The following ZBTB8B variants were observed in gnomAD, a reference collection of about 807,000 sequenced individuals.
The protein encoded by ZBTB8B is zinc finger and BTB domain-containing protein 8B.
ZBTB8B carries 17 observed loss-of-function variants against 30.3 expected under a neutral mutation model. That is an observed-to-expected ratio of 0.56 (90% CI 0.38 to 0.84). The LOEUF (loss-of-function observed/expected upper bound fraction) is 0.84, where lower values mean the gene tolerates loss of function less well. Ranked by LOEUF, ZBTB8B falls within the 40% of genes least tolerant of loss-of-function variation. ZBTB8B has a pLI of 0.00. For missense variants in ZBTB8B, 515 were observed against 644.9 expected (o/e 0.80, Z 2.18); for synonymous variants, 248 against 255.6 (o/e 0.97, Z 0.28).
chr1:32,477,616 C>A (rs914011700), intron 2 of ZBTB8B, among the ~76,000 whole-genome samples: 7 of 151,980 alleles, frequency 4.6e-5, no homozygotes, highest in Non-Finnish European at 8.8e-5. Context: ...GGTCGTCATT[C>A]CTGGCTGGGT....
chr1:32,482,145 C>T (rs956111518), intron 3 of ZBTB8B, among the ~76,000 whole-genome samples: 4 of 151,914 alleles, frequency 2.6e-5, no homozygotes, highest in South Asian at 2.1e-4. Flanking sequence ...GCCCAGCTAA[C>T]GTGTTTTTTT....
intron 3 of ZBTB8B, among the ~76,000 whole-genome samples, chr1:32,483,761 C>A (rs891121092): frequency 7.3e-5 from 11 of 151,016 alleles, no homozygotes; most frequent in African/African-American, 2.4e-4. Context: ...AAAAAAAAAA[C>A]CATGTCAAAA....
Position 32,465,934 on chromosome 1 carries a change from T to C in ZBTB8B, c.-42+829T>C, listed in dbSNP as rs561808303. 2.6e-5 allele frequency among the ~76,000 whole-genome samples: 4 copies of C among 152,278 alleles called. No homozygotes were observed. The East Asian group carries it at 5.8e-4, about 22-fold the overall frequency. ...GGTGGCGCGCACCTGTAGTCCCTGC[T>C]ACTCGGGAAGCTAAGGTTGGGAGGA... is the stretch of plus-strand genomic sequence containing the variant. On this transcript the variant is annotated intron_variant, in intron 1 of 3. Coordinates refer to ENST00000609129, the MANE Select transcript of ZBTB8B (RefSeq NM_001145720.2). The surrounding 1 kb of genome is among the most constrained non-coding windows in gnomAD (Gnocchi z 4.1).
rs894294292 is a variant in ZBTB8B, at chr1:32,487,701, G to A, written c.*2283G>A. 2 of 151,632 alleles carry A rather than the reference G, an allele frequency of 1.3e-5. No individual in the cohort carries two copies. The highest frequency in any genetic ancestry group is 3.9e-4 in the East Asian group (2 of 5,116). 9.4% of individuals were successfully genotyped at this position (151,632 alleles called of 1,614,324 possible). ...TAGCAAAAATACAAAAATTAGTCAG[G>A]AGTGGTGGCATGTGCCTGTAATCCC... On this transcript the variant is annotated 3_prime_UTR_variant, in exon 4 of 4. Transcript: ENST00000609129.
At position 32,486,750 on chromosome 1, in the gene ZBTB8B, G is replaced by C. The variant is rs866095629; in HGVS notation, c.*1332G>C. On this transcript the variant is annotated 3_prime_UTR_variant, in exon 4 of 4. Coordinates refer to ENST00000609129, the MANE Select transcript of ZBTB8B (RefSeq NM_001145720.2). Reference sequence around the variant, plus strand: ...CTCAATTTGGTCCATGTCCGAGTCCGGCCTTTGGAGTTGAGTCCTGCCTTC... The same window carrying C: ...CTCAATTTGGTCCATGTCCGAGTCCCGCCTTTGGAGTTGAGTCCTGCCTTC... 1 of 152,114 alleles carries C rather than the reference G, an allele frequency of 6.6e-6. No homozygotes were observed. Among genetic ancestry groups the C allele is most frequent in the Admixed American group, 6.5e-5 (1 of 15,272 alleles). The allele number at this position is 152,114 out of a possible 1,614,324, so 9.4% of individuals were successfully genotyped here.
At position 32,492,445 on chromosome 1, in the gene ZBTB8B, GGCGCCC is replaced by G. The variant is rs1437559139; in HGVS notation, c.*7030_*7035del. The G allele has an allele frequency of 6.6e-6, 1 of 152,476 alleles. No individual in the cohort carries two copies. Among genetic ancestry groups the G allele is most frequent in the Non-Finnish European group, 1.5e-5 (1 of 68,380 alleles). 9.4% of individuals were successfully genotyped at this position (152,476 alleles called of 1,614,324 possible). On this transcript the variant is annotated 3_prime_UTR_variant, in exon 4 of 4. Transcript: ENST00000609129. ...AGCCTCCTGAGTAGCTGGGATTACA[GGCGCCC>G]GCCACCACGCCCGGCTAATTTTTGT...
At chr1:32,475,433 C>T (rs1163020658) in intron 2 of ZBTB8B, among the ~76,000 whole-genome samples, 1 of 151,898 alleles carries the variant, frequency 6.6e-6, no homozygotes, top group Non-Finnish European at 1.5e-5. Context: ...AATACAGAAA[C>T]AAATTAGCCA....
intron 1 of ZBTB8B, among the ~76,000 whole-genome samples, chr1:32,468,813 A>T (rs557786816): frequency 3.5e-4 from 53 of 151,564 alleles, no homozygotes; most frequent in Non-Finnish European, 7.4e-4. Context: ...GTGAGCCGAG[A>T]TCGCGCCATT....
Position 32,495,767 on chromosome 1 carries a change from A to G in ZBTB8B, c.*10349A>G, listed in dbSNP as rs1643813126. ...TGTGGTAGTGTACACCTGTAGTCCC[A>G]GCTACTCCAAAGGCTGAGGCAGGAG... is the stretch of plus-strand genomic sequence containing the variant. On this transcript the variant is annotated 3_prime_UTR_variant, in exon 4 of 4. Coordinates refer to ENST00000609129, the MANE Select transcript of ZBTB8B (RefSeq NM_001145720.2). 2 of 152,218 alleles carry G rather than the reference A, an allele frequency of 1.3e-5. No individual in the cohort carries two copies. Among genetic ancestry groups the G allele is most frequent in the Admixed American group, 1.3e-4 (2 of 15,270 alleles). The allele number at this position is 152,218 out of a possible 1,614,324, so 9.4% of individuals were successfully genotyped here. A position where few individuals can be genotyped will look rare whatever the true frequency, so the allele number is the denominator to read the frequency against.
chr1:32,476,811 A>G (rs1238353333), intron 2 of ZBTB8B, among the ~76,000 whole-genome samples: 1 of 151,882 alleles, frequency 6.6e-6, no homozygotes, highest in Admixed American at 6.6e-5. Flanking sequence ...AAAAAATCCA[A>G]GCTGCTTACA....
At chr1:32,467,955 G>C (rs1342363850) in intron 1 of ZBTB8B, among the ~76,000 whole-genome samples, 1 of 151,504 alleles carries the variant, frequency 6.6e-6, no homozygotes, top group African/African-American at 2.4e-5. Context: ...TCTACCAAAA[G>C]TACAAAAAAA....
At chr1:32,474,824 G>GCCA (rs1433047550) in intron 2 of ZBTB8B, among the ~76,000 whole-genome samples, 3 of 152,352 alleles carry the variant, frequency 2.0e-5, no homozygotes, top group East Asian at 3.9e-4. Context: ...AAGTGGCCCA[G>GCCA]CTAAAACCAG....
chr1:32,471,616 G>A lies in ZBTB8B; in HGVS notation c.991+1G>A, dbSNP rs1643622137. 2.6e-6 allele frequency: 4 copies of A among 1,547,960 alleles called. No homozygotes were observed. The highest frequency in any genetic ancestry group is 2.5e-5 in the East Asian group (1 of 40,786). On this transcript the variant is annotated splice_donor_variant, in intron 2 of 3. Coordinates refer to ENST00000609129, the MANE Select transcript of ZBTB8B (RefSeq NM_001145720.2). LOFTEE classifies it high-confidence loss of function. ...GCTGACTGGTATGGAGAGGACTCAG[G>A]TGAGCTCCCTTAGCATTCATCAGCC... is the stretch of plus-strand genomic sequence containing the variant.
At chr1:32,482,377 A>G (rs1000329824) in intron 3 of ZBTB8B, among the ~76,000 whole-genome samples, 5 of 152,116 alleles carry the variant, frequency 3.3e-5, no homozygotes, top group Non-Finnish European at 5.9e-5. Flanking sequence ...GACGCTCTTA[A>G]GAATACGAAA....
At chr1:32,472,166 C>T (rs564166611) in intron 2 of ZBTB8B, among the ~76,000 whole-genome samples, 2 of 152,302 alleles carry the variant, frequency 1.3e-5, no homozygotes, top group African/African-American at 4.8e-5. Flanking sequence ...AATTGAGCAC[C>T]TGCTATATGC....
chr1:32,482,160 T>C (rs1643710224), intron 3 of ZBTB8B, among the ~76,000 whole-genome samples: 1 of 151,816 alleles, frequency 6.6e-6, no homozygotes, highest in African/African-American at 2.4e-5. Context: ...TTTTTTGTTG[T>C]TGTTGTTTTT....
chr1:32,469,176 G>A (rs150769018), intron 1 of ZBTB8B, among the ~76,000 whole-genome samples: 1,525 of 150,962 alleles, frequency 0.01, 13 homozygotes, highest in Non-Finnish European at 0.014. Flanking sequence ...TGGCTTGGGC[G>A]ACAGACCCAA....
At chr1:32,468,875 A>G (rs1211780304) in intron 1 of ZBTB8B, among the ~76,000 whole-genome samples, 3 of 149,762 alleles carry the variant, frequency 2.0e-5, no homozygotes, top group Non-Finnish European at 4.4e-5. Flanking sequence ...AAAAAAAAAG[A>G]CCAGTCTCAA....
chr1:32,475,760 CAG>C lies in ZBTB8B; in HGVS notation c.991+4146_991+4147del, dbSNP rs549816713. Among the ~76,000 whole-genome samples the C allele has an allele frequency of 1.5e-3, 220 of 146,190 alleles. 1 individual carries two copies. The highest frequency in any genetic ancestry group is 5.1e-3 in the African/African-American group (202 of 39,270). On this transcript the variant is annotated intron_variant, in intron 2 of 3. Transcript: ENST00000609129. ...GCCATCTGAAGGTAAGAAGAGGGGACAGGGAAAAATTGACTGGAATCAGATCA... is the reference window on the plus strand; with the variant it reads ...GCCATCTGAAGGTAAGAAGAGGGGACGGAAAAATTGACTGGAATCAGATCA...
Sources: allele counts gnomAD v4.1 joint callset (sites outside exome capture counted in the v4.1 genomes callset), GRCh38; gene constraint gnomAD v4.1.1; non-coding constraint Gnocchi (gnomAD v3.1); transcripts MANE v1.5; gene names NCBI Gene and HGNC (gene_info 2026-07-23, HGNC 2026-07-21).